The following MAP3K19 variants were observed in gnomAD, a reference collection of about 807,000 sequenced individuals.
The protein encoded by MAP3K19 is mitogen-activated protein kinase kinase kinase 19.
A neutral mutation model predicts 114.4 loss-of-function variants in MAP3K19; 91 were observed. The ratio of observed to expected loss-of-function variants is 0.80; its 90% CI spans 0.67 to 0.95. The LOEUF is 0.95. Ranked by LOEUF, MAP3K19 falls within the 40% of genes least tolerant of loss-of-function variation. The probability of loss-of-function intolerance (pLI) is 0.00; values close to 1 mark genes in which losing one functional copy is unlikely to be tolerated. For missense variants in MAP3K19, 1,471 were observed against 1,573.2 expected (o/e 0.94, Z 1.10); for synonymous variants, 518 against 530.5 (o/e 0.98, Z 0.32).
intron 6 of MAP3K19, among the ~76,000 whole-genome samples, chr2:135,000,468 C>T (rs1308704157): frequency 6.6e-6 from 1 of 152,236 alleles, no homozygotes; most frequent in East Asian, 1.9e-4. Context: ...AAAGTTCCAA[C>T]TTATAGAATA....
intron 12 of MAP3K19, among the ~76,000 whole-genome samples, chr2:134,975,501 C>T (rs1029291885): frequency 6.6e-6 from 1 of 152,134 alleles, no homozygotes; most frequent in African/African-American, 2.4e-5. Flanking sequence ...CAGTGGTACA[C>T]GCAGGGGTCA....
chr2:134,978,164 G>A (rs900214896), intron 12 of MAP3K19, among the ~76,000 whole-genome samples: 1 of 151,088 alleles, frequency 6.6e-6, no homozygotes, highest in Non-Finnish European at 1.5e-5. Flanking sequence ...ATTTTGTTAT[G>A]ACTGTAGCAA....
rs763529197 is a variant in MAP3K19, at chr2:134,987,888, C to T, written c.984G>A (p.Gln328=). 3.1e-6 allele frequency: 5 copies of T among 1,613,780 alleles called. No individual in the cohort carries two copies. The African/African-American group carries it at 6.7e-5, about 22-fold the overall frequency. Residue 328 remains glutamine (Q), a synonymous_variant, in exon 10 of 13, where the codon CAG becomes CAA. Coordinates refer to ENST00000392915, the MANE Select transcript of MAP3K19 (RefSeq NM_025052.5). ...TCAAATTCTCAAAAGACACCAAAGA[C>T]TGCCCTTTTTCAAAGTGAGTGATTT... The part of the protein sequence containing the change: ...KIEITHFEKG[Q]SLVSFENLKE...
intron 5 of MAP3K19, among the ~76,000 whole-genome samples, chr2:135,009,034 C>T (rs564149474): frequency 6.6e-6 from 1 of 152,234 alleles, no homozygotes; most frequent in South Asian, 2.1e-4. Context: ...TCACTGCAAA[C>T]TCCACCTTCC....
At chr2:135,018,945 C>T (rs191558680) in intron 5 of MAP3K19, among the ~76,000 whole-genome samples, 33 of 152,116 alleles carry the variant, frequency 2.2e-4, no homozygotes, top group South Asian at 1.2e-3. Context: ...ATTAGCCAGG[C>T]GTGGTGGTGG....
chr2:135,026,417 T>C (rs2104778401), intron 3 of MAP3K19, among the ~76,000 whole-genome samples: 1 of 152,328 alleles, frequency 6.6e-6, no homozygotes, highest in South Asian at 2.1e-4. Flanking sequence ...AGCTTCAAAA[T>C]TCCCTTTTCA....
intron 12 of MAP3K19, among the ~76,000 whole-genome samples, chr2:134,977,364 T>TC (rs1684315956): frequency 7.4e-6 from 1 of 135,462 alleles, no homozygotes; most frequent in African/African-American, 2.8e-5. Context: ...AAATTTTTTT[T>TC]TTTTTTTTTT....
intron 5 of MAP3K19, among the ~76,000 whole-genome samples, chr2:135,018,546 A>G (rs1687750790): frequency 6.6e-6 from 1 of 152,152 alleles, no homozygotes. Flanking sequence ...TATGTTGTTC[A>G]AGCTGGTTTC....
At chr2:135,012,933 A>C (rs1687330956) in intron 5 of MAP3K19, among the ~76,000 whole-genome samples, 1 of 147,382 alleles carries the variant, frequency 6.8e-6, no homozygotes, top group Non-Finnish European at 1.5e-5. Context: ...TCCAGAACAA[A>C]CCCCCAAACC....
At chr2:135,019,694 A>G (rs1032213051) in intron 5 of MAP3K19, among the ~76,000 whole-genome samples, 2 of 152,186 alleles carry the variant, frequency 1.3e-5, no homozygotes, top group Admixed American at 1.3e-4. Flanking sequence ...TTTAACCAAT[A>G]AAATATAGAG....
intron 12 of MAP3K19, among the ~76,000 whole-genome samples, chr2:134,974,541 T>C (rs1684095502): frequency 6.6e-6 from 1 of 152,234 alleles, no homozygotes; most frequent in Non-Finnish European, 1.5e-5. Context: ...TGTTTAAATC[T>C]CTTGCTAGAC....
Position 135,008,215 on chromosome 2 carries a change from C to T in MAP3K19, c.139-2684G>A, listed in dbSNP as rs150643186. On this transcript the variant is annotated intron_variant, in intron 5 of 12. Coordinates refer to ENST00000392915, the MANE Select transcript of MAP3K19 (RefSeq NM_025052.5). ...TCAGCTCACTGCAACCTCCACCTCC[C>T]GGGTTCAAGAGATTCTCCTGTCTCA... 3.0e-3 allele frequency among the ~76,000 whole-genome samples: 456 copies of T among 152,136 alleles called. 3 individuals carry two copies. The highest frequency in any genetic ancestry group is 0.01 in the African/African-American group (423 of 41,470).
chr2:135,040,070 G>A (rs895159774), intron 2 of MAP3K19, among the ~76,000 whole-genome samples: 4 of 152,116 alleles, frequency 2.6e-5, no homozygotes, highest in Admixed American at 2.0e-4. Flanking sequence ...ATCATGTGGC[G>A]CCATTAGACC....
At position 134,997,822 on chromosome 2, in the gene MAP3K19, A is replaced by AAAAAAAAAAAAAAAAAAAAAAAAAAAC. The variant is rs1559164840; in HGVS notation, c.574+915_574+916insGTTTTTTTTTTTTTTTTTTTTTTTTTT. On this transcript the variant is annotated intron_variant, in intron 8 of 12. Coordinates refer to ENST00000392915, the MANE Select transcript of MAP3K19 (RefSeq NM_025052.5). ...GACAGAGCGAGACTCCGTCTCAAAA[A>AAAAAAAAAAAAAAAAAAAAAAAAAAAC]AAAAAAAACTTTAAGCACTGCTTCA... Among the ~76,000 whole-genome samples the AAAAAAAAAAAAAAAAAAAAAAAAAAAC allele has an allele frequency of 3.8e-4, 57 of 151,358 alleles. 1 individual carries two copies. The highest frequency in any genetic ancestry group is 6.8e-4 in the Non-Finnish European group (46 of 67,676).
intron 10 of MAP3K19, among the ~76,000 whole-genome samples, chr2:134,984,099 G>A (rs1205744668): frequency 6.6e-6 from 1 of 152,072 alleles, no homozygotes; most frequent in Non-Finnish European, 1.5e-5. Context: ...CCCCACATAG[G>A]CCTGCAGCTA....
chr2:134,978,844 G>A (rs968513684), intron 12 of MAP3K19, among the ~76,000 whole-genome samples: 1 of 152,134 alleles, frequency 6.6e-6, no homozygotes. Context: ...CATCTGACCT[G>A]CCTTCCCAAA....
At chr2:135,004,516 G>C (rs945266851) in intron 6 of MAP3K19, among the ~76,000 whole-genome samples, 1 of 152,154 alleles carries the variant, frequency 6.6e-6, no homozygotes, top group Non-Finnish European at 1.5e-5. Flanking sequence ...TGAGAAACAC[G>C]GGCATCAAAG....
At chr2:134,989,821 C>A (rs1011355679) in intron 9 of MAP3K19, among the ~76,000 whole-genome samples, 1 of 152,138 alleles carries the variant, frequency 6.6e-6, no homozygotes, top group African/African-American at 2.4e-5. Context: ...GTGGCTCACA[C>A]CTGTAATCCC....
At chr2:135,000,099 C>T (rs1686332655) in intron 6 of MAP3K19, 84 bp from the exon 7 acceptor site, 7 of 881,172 alleles carry the variant, frequency 7.9e-6, no homozygotes, top group Non-Finnish European at 1.3e-5. Flanking sequence ...TTCTGTTTGG[C>T]TAATCTCTTC....
Sources: gnomAD v4.1 joint callset for allele counts (sites outside exome capture counted in the v4.1 genomes callset) on GRCh38, gnomAD v4.1.1 for gene constraint, MANE v1.5 for transcripts, NCBI Gene and HGNC (gene_info 2026-07-23, HGNC 2026-07-21) for gene names.